The following NEK1 variants were observed in gnomAD, a reference collection of about 807,000 sequenced individuals.
NEK1 encodes the protein serine/threonine-protein kinase Nek1.
In NEK1, 137 loss-of-function variants were observed where a neutral mutation model predicts 182.1. The observed-to-expected ratio is 0.75, with a 90% CI of 0.65 to 0.87. NEK1 has a LOEUF of 0.87. NEK1 is among the 40% of genes least tolerant of loss of function. NEK1 has a pLI of 0.00. For synonymous variants in NEK1, 513 were observed against 492.2 expected (o/e 1.04, Z -0.56); for missense variants, 1,391 against 1,494.4 (o/e 0.93, Z 1.14).
intron 28 of NEK1, among the ~76,000 whole-genome samples, chr4:169,436,721 T>A (rs1738481181): frequency 1.3e-5 from 2 of 152,310 alleles, no homozygotes; most frequent in African/African-American, 4.8e-5. Flanking sequence ...TTTAGGACAG[T>A]AGGGTGTGGC....
At chr4:169,404,865 T>C (rs191315654) in intron 32 of NEK1, among the ~76,000 whole-genome samples, 220 of 152,262 alleles carry the variant, frequency 1.4e-3, no homozygotes, top group African/African-American at 4.9e-3. Context: ...CTCAGAGGTA[T>C]TGCTTGTTAA....
intron 23 of NEK1, among the ~76,000 whole-genome samples, chr4:169,487,643 T>C (rs1014723090): frequency 2.4e-4 from 36 of 152,248 alleles, no homozygotes; most frequent in African/African-American, 8.4e-4. Context: ...TGTATCTTTA[T>C]AACAGAATGA....
intron 10 of NEK1, among the ~76,000 whole-genome samples, chr4:169,584,067 C>T (rs115548276): frequency 0.01 from 1,573 of 152,178 alleles, 11 homozygotes; most frequent in Middle Eastern, 0.021. Flanking sequence ...CTCACTAAAC[C>T]AGAAAAGTAA....
chr4:169,409,144 T>G (rs1480436448), intron 31 of NEK1, among the ~76,000 whole-genome samples: 1 of 152,114 alleles, frequency 6.6e-6, no homozygotes, highest in Non-Finnish European at 1.5e-5. Flanking sequence ...ATTGTTTTAC[T>G]TATTGTTTTT....
intron 23 of NEK1, among the ~76,000 whole-genome samples, chr4:169,500,662 G>C (rs1752266459): frequency 6.6e-6 from 1 of 152,156 alleles, no homozygotes; most frequent in Non-Finnish European, 1.5e-5. Context: ...GCCAAGCTAA[G>C]TAAGCTTCAT....
At chr4:169,415,560 T>C (rs967202998) in intron 31 of NEK1, among the ~76,000 whole-genome samples, 1 of 152,240 alleles carries the variant, frequency 6.6e-6, no homozygotes, top group Non-Finnish European at 1.5e-5. Flanking sequence ...GCTTGATTTG[T>C]AATGCATATT....
At chr4:169,571,922 T>TA (rs1340054667) in intron 12 of NEK1, among the ~76,000 whole-genome samples, 2 of 147,592 alleles carry the variant, frequency 1.4e-5, no homozygotes, top group African/African-American at 5.0e-5. Flanking sequence ...GTATTTTTAG[T>TA]AGAGAAGGTG....
intron 2 of NEK1, among the ~76,000 whole-genome samples, chr4:169,608,888 T>C (rs1264128085): frequency 6.6e-6 from 1 of 151,860 alleles, no homozygotes; most frequent in Non-Finnish European, 1.5e-5. Flanking sequence ...GTAAGACCAC[T>C]GTCTCTACTA....
Position 169,401,706 on chromosome 4 carries a change from C to T in NEK1, c.3529G>A (p.Asp1177Asn). Reference protein sequence around the residue: ...EPTANGTDVADEDDNPSSESA... With the variant: ...EPTANGTDVANEDDNPSSESA... ...TCACTGCTGGGATTGTCATCTTCAT[C>T]TGCCACATCTGTCCCATTTGCAGTT... The change falls in exon 33 of 36, where the codon GAT (aspartate) becomes AAT (asparagine). Residue 1177 changes from aspartate (D) to asparagine (N), a missense_variant. Physicochemically the swap from Asp to Asn is conservative, Grantham distance 23 (BLOSUM62 1). Transcript: ENST00000507142. The T allele has an allele frequency of 1.2e-6, 2 of 1,613,950 alleles. No homozygotes were observed. Among genetic ancestry groups the T allele is most frequent in the Non-Finnish European group, 1.7e-6 (2 of 1,179,830 alleles).
intron 5 of NEK1, among the ~76,000 whole-genome samples, chr4:169,594,372 A>G (rs1352172652): frequency 5.9e-5 from 9 of 152,214 alleles, no homozygotes; most frequent in Admixed American, 5.9e-4. Flanking sequence ...ATTGCCAAAC[A>G]TTATACTAAT....
chr4:169,443,747 T>C (rs1349631281), intron 27 of NEK1, among the ~76,000 whole-genome samples: 1 of 151,772 alleles, frequency 6.6e-6, no homozygotes, highest in African/African-American at 2.4e-5. Flanking sequence ...CAGTTAAAAG[T>C]CAAAGAGAAT....
chr4:169,441,714 T>A (rs1340752010), intron 27 of NEK1, among the ~76,000 whole-genome samples: 1 of 151,678 alleles, frequency 6.6e-6, no homozygotes, highest in Non-Finnish European at 1.5e-5. Flanking sequence ...CTGTATAAGC[T>A]TTCCAGGGGC....
chr4:169,463,189 T>G, intron 27 of NEK1, 54 bp downstream of exon 27: 1 of 979,180 alleles, frequency 1.0e-6, no homozygotes. Flanking sequence ...AATACATAAT[T>G]AGATTTTTAA....
chr4:169,599,095 C>T lies in NEK1; in HGVS notation c.312+5G>A, dbSNP rs1770044534. 1 of 1,610,506 alleles carries T rather than the reference C, an allele frequency of 6.2e-7. No individual in the cohort carries two copies. The highest frequency in any genetic ancestry group is 8.5e-7 in the Non-Finnish European group (1 of 1,177,712). ...TAAGAGTCAATTTCCTAAATGCAAACTTACCTGATCCTCTTGAAACAAAAC... is the reference window on the plus strand; with the variant it reads ...TAAGAGTCAATTTCCTAAATGCAAATTTACCTGATCCTCTTGAAACAAAAC... On this transcript the variant is annotated splice_donor_5th_base_variant and intron_variant, in intron 5 of 35. Transcript: ENST00000507142.
chr4:169,491,892 A>G lies in NEK1; in HGVS notation c.2008-12358T>C, dbSNP rs1750157385. Among the ~76,000 whole-genome samples the G allele has an allele frequency of 4.6e-5, 7 of 152,250 alleles. No homozygotes were observed. The South Asian group carries it at 1.4e-3, about 32-fold the overall frequency. On this transcript the variant is annotated intron_variant, in intron 23 of 35. Transcript: ENST00000507142. ...TGTGAGGAGGGTAAAAGTCTAGAAT[A>G]TCTTCATGTGACAAAGTTAAATTGT...
intron 27 of NEK1, among the ~76,000 whole-genome samples, chr4:169,451,416 C>T (rs969932735): frequency 2.0e-5 from 3 of 152,098 alleles, no homozygotes; most frequent in Non-Finnish European, 4.4e-5. Context: ...TGTAAAATAA[C>T]AGAAATCACA....
intron 35 of NEK1, among the ~76,000 whole-genome samples, chr4:169,396,057 T>C (rs1730630406): frequency 6.6e-6 from 1 of 152,072 alleles, no homozygotes; most frequent in South Asian, 2.1e-4. Context: ...AGAGAAGGTA[T>C]GTGTCTCTTT....
intron 18 of NEK1, among the ~76,000 whole-genome samples, chr4:169,551,748 T>C (rs1761453659): frequency 6.6e-6 from 1 of 151,706 alleles, no homozygotes; most frequent in Non-Finnish European, 1.5e-5. Flanking sequence ...TCCTATACAC[T>C]CCAATTTTTC....
At chr4:169,491,654 C>T (rs1444338173) in intron 23 of NEK1, among the ~76,000 whole-genome samples, 1 of 152,126 alleles carries the variant, frequency 6.6e-6, no homozygotes, top group Non-Finnish European at 1.5e-5. Flanking sequence ...ACTACTACCA[C>T]AAGAACATAT....
Sources: allele counts gnomAD v4.1 joint callset (sites outside exome capture counted in the v4.1 genomes callset), GRCh38; gene constraint gnomAD v4.1.1; transcripts MANE v1.5; gene names NCBI Gene and HGNC (gene_info 2026-07-23, HGNC 2026-07-21).